Variants in CNOT10 observed in about 807,000 individuals in gnomAD.
CNOT10 encodes the protein CCR4-NOT transcription complex subunit 10.
A neutral mutation model predicts 94.6 loss-of-function variants in CNOT10; 30 were observed. The observed-to-expected ratio is 0.32, with a 90% CI of 0.24 to 0.43. CNOT10 has a LOEUF of 0.43. Among genes scored for constraint, CNOT10 ranks in the 20% least tolerant of loss-of-function variants. The pLI is 1.00. For missense variants in CNOT10, 759 were observed against 877.2 expected (o/e 0.87, Z 1.70); for synonymous variants, 289 against 301.6 (o/e 0.96, Z 0.43).
At chr3:32,764,990 G>A (rs1700601411) in intron 17 of CNOT10, 181 bp downstream of exon 17, 1 of 1,518,676 alleles carries the variant, frequency 6.6e-7, no homozygotes, top group African/African-American at 1.4e-5. Context: ...AATGAACCTA[G>A]ACACTTAAAG....
chr3:32,735,578 G>T (rs1187503813), intron 12 of CNOT10, among the ~76,000 whole-genome samples: 2 of 151,746 alleles, frequency 1.3e-5, no homozygotes, highest in East Asian at 3.9e-4. Flanking sequence ...GTGGTGGTGG[G>T]CACCTATAAT....
chr3:32,725,609 G>C lies in CNOT10; in HGVS notation c.1012+10G>C. 2 of 1,593,438 alleles carry C rather than the reference G, an allele frequency of 1.3e-6. No homozygotes were observed. Among genetic ancestry groups the C allele is most frequent in the Non-Finnish European group, 1.7e-6 (2 of 1,171,140 alleles). On this transcript the variant is annotated intron_variant, in intron 9 of 18. Coordinates refer to ENST00000328834, the MANE Select transcript of CNOT10 (RefSeq NM_015442.3). ...GGTAGCACTGATCCAGGTAAGCCCA[G>C]TACTGGGGGACAGTTTGTATTTACT...
At chr3:32,760,778 A>G (rs1700410646) in intron 14 of CNOT10, among the ~76,000 whole-genome samples, 1 of 152,212 alleles carries the variant, frequency 6.6e-6, no homozygotes, top group South Asian at 2.1e-4. Context: ...AAATATAACT[A>G]CTTACTCTTT....
At chr3:32,725,262 AAG>A (rs1297253332) in intron 8 of CNOT10, among the ~76,000 whole-genome samples, 186 bp from the exon 9 acceptor site, 1 of 152,254 alleles carries the variant, frequency 6.6e-6, no homozygotes, top group Non-Finnish European at 1.5e-5. Flanking sequence ...CCTTTAATAA[AAG>A]AGATTTTAAA....
intron 9 of CNOT10, among the ~76,000 whole-genome samples, chr3:32,726,016 C>G (rs1698651151): frequency 6.6e-6 from 1 of 152,068 alleles, no homozygotes; most frequent in African/African-American, 2.4e-5. Flanking sequence ...GTGATTTCAG[C>G]TCATTTCAAC....
intron 17 of CNOT10, among the ~76,000 whole-genome samples, chr3:32,766,642 A>AT (rs1020225341): frequency 2.0e-5 from 3 of 151,838 alleles, no homozygotes; most frequent in African/African-American, 7.3e-5. Flanking sequence ...CAAAAAAAAA[A>AT]AAAAAAAGTG....
chr3:32,770,859 A>G (rs7630075), intron 18 of CNOT10, among the ~76,000 whole-genome samples: 149,954 of 152,048 alleles, frequency 0.99, 73,986 homozygotes, highest in East Asian at 1. Context: ...GATTACAGGC[A>G]CCCACCAACA....
At chr3:32,686,468 A>G (rs938161260) in intron 1 of CNOT10, among the ~76,000 whole-genome samples, 2 of 152,238 alleles carry the variant, frequency 1.3e-5, no homozygotes, top group Non-Finnish European at 2.9e-5. Context: ...AGAGGAATAA[A>G]AATCATTAGA....
At chr3:32,759,882 T>C (rs1442259801) in intron 14 of CNOT10, among the ~76,000 whole-genome samples, 1 of 152,094 alleles carries the variant, frequency 6.6e-6, no homozygotes, top group Non-Finnish European at 1.5e-5. Context: ...GTGGTCAATG[T>C]GATAAATCTA....
chr3:32,730,882 G>A (rs1038759329), intron 10 of CNOT10: 1 of 152,152 alleles, frequency 6.6e-6, no homozygotes, highest in Non-Finnish European at 1.5e-5. Flanking sequence ...TTTTAATTAT[G>A]TATGATCCTT....
intron 7 of CNOT10, among the ~76,000 whole-genome samples, chr3:32,718,996 A>G (rs1698251512): frequency 6.6e-6 from 1 of 152,192 alleles, no homozygotes; most frequent in Non-Finnish European, 1.5e-5. Flanking sequence ...CACGCCTGTA[A>G]TCCCCACACT....
Position 32,728,857 on chromosome 3 carries a change from T to G in CNOT10, c.1215+987T>G, listed in dbSNP as rs144951269. 9.7e-4 allele frequency among the ~76,000 whole-genome samples: 148 copies of G among 152,024 alleles called. 2 individuals carry two copies. In the East Asian group the frequency reaches 0.017, roughly 17 times the overall value. On this transcript the variant is annotated intron_variant, in intron 10 of 18. Coordinates refer to ENST00000328834, the MANE Select transcript of CNOT10 (RefSeq NM_015442.3). Reference sequence around the variant, plus strand: ...TGGTCACGCCTGTAATCCCAGCACTTTGGGAGGCCGAGGCGGGTGGATCAC... The same window carrying G: ...TGGTCACGCCTGTAATCCCAGCACTGTGGGAGGCCGAGGCGGGTGGATCAC...
At chr3:32,729,481 T>G (rs2125569658) in intron 10 of CNOT10, among the ~76,000 whole-genome samples, 1 of 152,250 alleles carries the variant, frequency 6.6e-6, no homozygotes, top group Non-Finnish European at 1.5e-5. Context: ...GGTTTTACCT[T>G]GCATGCCTAC....
intron 17 of CNOT10, 83 bp downstream of exon 17, chr3:32,764,892 A>G (rs2125641254): frequency 6.4e-7 from 1 of 1,570,832 alleles, no homozygotes; most frequent in South Asian, 1.2e-5. Context: ...CTTTGTTTGA[A>G]GCATCTGATC....
At chr3:32,757,028 C>T (rs1700249767) in intron 13 of CNOT10, among the ~76,000 whole-genome samples, 1 of 150,670 alleles carries the variant, frequency 6.6e-6, no homozygotes, top group Admixed American at 6.6e-5. Flanking sequence ...ATAGCTTGAA[C>T]CGAGGAGGCA....
intron 16 of CNOT10, 38 bp downstream of exon 16, chr3:32,764,528 C>G: frequency 6.2e-7 from 1 of 1,608,142 alleles, no homozygotes; most frequent in Non-Finnish European, 8.5e-7. Flanking sequence ...GTAGCCTGGC[C>G]TGCATCCCAA....
Position 32,707,157 on chromosome 3 carries a change from TC to T in CNOT10, c.280-1511del, listed in dbSNP as rs1253221261. ...AGGTTAGTTTTAATACAAGTAGACT[TC>T]CAGTTTCATGTGTTACATGGAATTG... is the stretch of plus-strand genomic sequence containing the variant. On this transcript the variant is annotated intron_variant, in intron 3 of 18. Transcript: ENST00000328834. 2.0e-5 allele frequency among the ~76,000 whole-genome samples: 3 copies of T among 152,318 alleles called. No individual in the cohort carries two copies. In the East Asian group the frequency reaches 5.8e-4, roughly 29 times the overall value.
In CNOT10 at chr3:32,734,932, A is replaced by G. The variant is rs1699115874; in HGVS notation, c.1470A>G (p.Gln490=). The part of the protein sequence containing the change: ...KQENGAKNSN[Q]LGGNTESSES... ...AAAATGGGGCTAAAAATAGTAATCA[A>G]TTAGGTGGGAACACAGAGAGCAGCG... The change falls in exon 12 of 19, where the codon CAA becomes CAG. Residue 490 remains glutamine (Q), a synonymous_variant. Transcript: ENST00000328834. 1 of 1,614,112 alleles carries G rather than the reference A, an allele frequency of 6.2e-7. No individual in the cohort carries two copies. Among genetic ancestry groups the G allele is most frequent in the Non-Finnish European group, 8.5e-7 (1 of 1,179,966 alleles).
rs115160471 is a variant in CNOT10, at chr3:32,697,660, A to G, written c.23-6208A>G. Among the ~76,000 whole-genome samples the G allele has an allele frequency of 5.2e-3, 790 of 151,992 alleles. 6 individuals are homozygous for G. The highest frequency in any genetic ancestry group is 0.018 in the African/African-American group (727 of 41,468). On this transcript the variant is annotated intron_variant, in intron 1 of 18. Coordinates refer to ENST00000328834, the MANE Select transcript of CNOT10 (RefSeq NM_015442.3). The stretch of plus-strand genomic sequence containing the variant: ...TAATTAAAACAATTTTTTAAAATAG[A>G]GACAGGGTCTTGTTTTGTTTCCCAG...
Sources: allele counts gnomAD v4.1 joint callset (sites outside exome capture counted in the v4.1 genomes callset), GRCh38; gene constraint gnomAD v4.1.1; transcripts MANE v1.5; gene names NCBI Gene and HGNC (gene_info 2026-07-23, HGNC 2026-07-21).